DOP1B: variants seen among roughly 807,000 people sequenced by gnomAD.
The protein encoded by DOP1B is protein DOP1B.
Under a neutral mutation model 233.5 loss-of-function variants are expected in DOP1B, and 174 were observed. That is an observed-to-expected ratio of 0.75 (90% CI 0.66 to 0.85). DOP1B has a LOEUF of 0.85. Among genes scored for constraint, DOP1B ranks in the 40% least tolerant of loss-of-function variants. The pLI is 0.00. For synonymous variants in DOP1B, 1,190 were observed against 1,185.6 expected (o/e 1.00, Z -0.08); for missense variants, 2,652 against 2,846.6 (o/e 0.93, Z 1.56).
intron 2 of DOP1B, among the ~76,000 whole-genome samples, chr21:36,184,853 C>T (rs2835300): frequency 0.042 from 6,459 of 152,300 alleles, 195 homozygotes; most frequent in Non-Finnish European, 0.057. Context: ...TCTGCTGTAG[C>T]GCTGAGGGTC....
intron 32 of DOP1B, among the ~76,000 whole-genome samples, chr21:36,284,265 C>CTTTTTTTTTTTTT (rs71326667): frequency 4.0e-5 from 3 of 75,872 alleles, no homozygotes; most frequent in Non-Finnish European, 2.4e-5. Context: ...TTCCTTCTTT[C>CTTTTTTTTTTTTT]TTTTTTTTTT....
At position 36,211,935 on chromosome 21, in the gene DOP1B, A is replaced by G. The variant is rs756947132; in HGVS notation, c.781-39A>G. ...TGTCAAAAAGTCAGCAATCTGCCCT[A>G]TCATTCCCTTGCAGTAAATTTCTCT... On this transcript the variant is annotated intron_variant, in intron 6 of 36. Coordinates refer to ENST00000691173, the MANE Select transcript of DOP1B (RefSeq NM_001320714.2). The G allele has an allele frequency of 1.1e-5, 17 of 1,613,284 alleles. No homozygotes were observed. The African/African-American group carries it at 1.2e-4, about 11-fold the overall frequency.
rs781415432 is a variant in DOP1B at position 36,232,786 on chromosome 21, C to CGGCTGGCTTCCTT, written c.2351-17_2351-5dup. ...GTGGTTCTGCTTGTTTCTGCCTCTC[C>CGGCTGGCTTCCTT]GGCTGGCTTCCTTTCAGGAGCCGGT... On this transcript the variant is annotated splice_polypyrimidine_tract_variant and intron_variant, in intron 14 of 36. Transcript: ENST00000691173. 2 of 1,611,544 alleles carry CGGCTGGCTTCCTT rather than the reference C, an allele frequency of 1.2e-6. No individual in the cohort carries two copies. Among genetic ancestry groups the CGGCTGGCTTCCTT allele is most frequent in the South Asian group, 2.2e-5 (2 of 90,974 alleles).
intron 2 of DOP1B, among the ~76,000 whole-genome samples, chr21:36,192,411 C>G (rs2066243870): frequency 7.4e-6 from 1 of 135,448 alleles, no homozygotes; most frequent in South Asian, 2.4e-4. Context: ...TTTTTTGAGA[C>G]AAGAGTCGCC....
intron 23 of DOP1B, among the ~76,000 whole-genome samples, chr21:36,257,717 G>C (rs905813057): frequency 2.6e-5 from 4 of 151,738 alleles, no homozygotes; most frequent in Non-Finnish European, 5.9e-5. Flanking sequence ...GATGTAGGTA[G>C]GTAGGTAGGT....
intron 27 of DOP1B, 44 bp from the exon 28 acceptor site, chr21:36,276,977 C>G (rs1436513071): frequency 6.3e-7 from 1 of 1,598,606 alleles, no homozygotes; most frequent in Non-Finnish European, 8.6e-7. Context: ...AAATGGTGAC[C>G]CATCCATCAT....
Position 36,199,073 on chromosome 21 carries a change from C to T in DOP1B, c.142C>T (p.Leu48Phe), listed in dbSNP as rs1249961213. The change falls in exon 3 of 37, where the codon CTT becomes TTT. Residue 48 changes from leucine to phenylalanine, a missense_variant. Around this residue, in one of 3 missense-constraint regions of DOP1B, gnomAD observed 2,617 missense variants for 2,794.3 expected, o/e 0.94. Transcript: ENST00000691173. ...TTTTTTTTGTCTTGTTTGACAGGCT[C>T]TTCAGAGTAACCTGAGGTACTCCTT... is the stretch of plus-strand genomic sequence containing the variant. ...ISSLGKLNKA[L>F]QSNLRYSLLP... The T allele has an allele frequency of 6.2e-7, 1 of 1,608,788 alleles. No homozygotes were observed. The highest frequency in any genetic ancestry group is 8.5e-7 in the Non-Finnish European group (1 of 1,178,504).
intron 2 of DOP1B, among the ~76,000 whole-genome samples, chr21:36,176,551 C>G (rs2066034249): frequency 6.6e-6 from 1 of 152,138 alleles, no homozygotes; most frequent in African/African-American, 2.4e-5. Context: ...ACCTCTGTGG[C>G]TATGACCGTG....
intron 14 of DOP1B, 85 bp from the exon 15 acceptor site, chr21:36,232,719 C>G (rs563892461): frequency 2.4e-4 from 380 of 1,567,792 alleles, no homozygotes; most frequent in Non-Finnish European, 3.2e-4. Context: ...CTTCCCAGAT[C>G]TAGGGTGCTG....
chr21:36,231,193 T>A lies in DOP1B; in HGVS notation c.2350+59T>A, dbSNP rs1032027695. The A allele has an allele frequency of 2.3e-5, 35 of 1,520,354 alleles. No homozygotes were observed. The Middle Eastern group carries it at 7.1e-4, about 31-fold the overall frequency. The allele number at this position is 1,520,354 out of a possible 1,614,324, so 94.2% of individuals were successfully genotyped here. On this transcript the variant is annotated intron_variant, in intron 14 of 36. Transcript: ENST00000691173. ...GAATCATACGATGAGGCGATTGACG[T>A]GGGTGGAATATCCCCTATCCACAAT...
At chr21:36,263,429 G>A (rs2067196164) in intron 24 of DOP1B, 117 bp from the exon 25 acceptor site, 2 of 794,086 alleles carry the variant, frequency 2.5e-6, no homozygotes, top group South Asian at 3.5e-5. Flanking sequence ...AAAAAGGTCA[G>A]TGAGGTATGC....
chr21:36,215,671 C>T (rs34347986), intron 9 of DOP1B, among the ~76,000 whole-genome samples: 44,399 of 148,318 alleles, frequency 0.3, 7,338 homozygotes, highest in East Asian at 0.47. Context: ...TCCCAAAGTG[C>T]TGGGATTACA....
chr21:36,244,181 G>A (rs137874200), intron 18 of DOP1B, among the ~76,000 whole-genome samples: 13 of 151,452 alleles, frequency 8.6e-5, no homozygotes, highest in Non-Finnish European at 1.3e-4. Context: ...GCACCACCAC[G>A]TCCAGCTAAT....
intron 14 of DOP1B, among the ~76,000 whole-genome samples, chr21:36,231,955 C>A (rs1290575023): frequency 6.6e-6 from 1 of 151,774 alleles, no homozygotes; most frequent in Non-Finnish European, 1.5e-5. Flanking sequence ...AAGTGATTCT[C>A]CTACCTCAGC....
At chr21:36,255,720 C>T (rs1183518477) in intron 23 of DOP1B, among the ~76,000 whole-genome samples, 2 of 152,162 alleles carry the variant, frequency 1.3e-5, no homozygotes, top group East Asian at 3.8e-4. Context: ...GCGAGAGCCA[C>T]CATGCCTGGC....
intron 10 of DOP1B, among the ~76,000 whole-genome samples, chr21:36,220,909 C>T (rs942343468): frequency 6.6e-6 from 1 of 152,086 alleles, no homozygotes; most frequent in African/African-American, 2.4e-5. Context: ...CTCCTGGGAT[C>T]AAGTGATCCT....
At chr21:36,187,232 G>C (rs1476160469) in intron 2 of DOP1B, among the ~76,000 whole-genome samples, 3 of 126,112 alleles carry the variant, frequency 2.4e-5, no homozygotes, top group Admixed American at 9.2e-5. Context: ...CTCCCTTCCC[G>C]GGGGAGGGTG....
chr21:36,276,840 CA>C (rs57389991), intron 27 of DOP1B, among the ~76,000 whole-genome samples, 180 bp from the exon 28 acceptor site: 64 of 106,258 alleles, frequency 6.0e-4, no homozygotes, highest in Middle Eastern at 4.6e-3. Flanking sequence ...GACTCCATCT[CA>C]AAAAAAAAAA....
At chr21:36,292,072 A>G (rs1273508899) in intron 35 of DOP1B, 32 bp from the exon 36 acceptor site, 1 of 1,573,460 alleles carries the variant, frequency 6.4e-7, no homozygotes, top group South Asian at 1.2e-5. Context: ...GCCTCTTACC[A>G]GCAGACCTGA....
Sources: allele counts gnomAD v4.1 joint callset (sites outside exome capture counted in the v4.1 genomes callset), GRCh38; gene constraint gnomAD v4.1.1; regional missense constraint gnomAD v4.1.1; transcripts MANE v1.5; gene names NCBI Gene and HGNC (gene_info 2026-07-23, HGNC 2026-07-21).